FCRL1: variants seen among roughly 807,000 people sequenced by gnomAD.
FCRL1 encodes the protein Fc receptor-like protein 1.
FCRL1 carries 34 observed loss-of-function variants against 49.2 expected under a neutral mutation model. The ratio of observed to expected loss-of-function variants is 0.69; its 90% confidence interval spans 0.53 to 0.92. The LOEUF (loss-of-function observed/expected upper bound fraction) is 0.92. Ranked by LOEUF, FCRL1 falls within the 40% of genes least tolerant of loss-of-function variation. The pLI, the probability that FCRL1 is intolerant of heterozygous loss-of-function variation, is 0.00. For synonymous variants in FCRL1, 218 were observed against 201.6 expected, an observed-to-expected ratio of 1.08 and a Z score of -0.69; for missense variants, 524 against 524.1, an observed-to-expected ratio of 1.00 and a Z score of 0.00.
chr1:157,802,756 T>C, intron 3 of FCRL1, 92 bp from the exon 4 acceptor site: 1 of 1,335,168 alleles, frequency 7.5e-7, no homozygotes, highest in South Asian at 1.5e-5. Context: ...GCAAAGAGCA[T>C]GAGTGAAGTC....
At chr1:157,799,160 C>T (rs1652022215) in intron 7 of FCRL1, among the ~76,000 whole-genome samples, 1 of 152,104 alleles carries the variant, frequency 6.6e-6, no homozygotes, top group African/African-American at 2.4e-5. Context: ...ATCACCACGT[C>T]CAGCTAATTT....
intron 1 of FCRL1, among the ~76,000 whole-genome samples, chr1:157,808,636 G>A (rs1238694567): frequency 1.3e-5 from 2 of 152,186 alleles, no homozygotes. Context: ...GGTGTGATGG[G>A]GAGCTATGGA....
chr1:157,817,312 C>G (rs1655181751), intron 1 of FCRL1, among the ~76,000 whole-genome samples: 1 of 152,012 alleles, frequency 6.6e-6, no homozygotes, highest in South Asian at 2.1e-4. Flanking sequence ...CAGCATTGTA[C>G]AGGCACAAAA....
intron 2 of FCRL1, 135 bp from the exon 3 acceptor site, chr1:157,804,246 ACCCCC>A: frequency 1.3e-6 from 1 of 748,548 alleles, no homozygotes; most frequent in Non-Finnish European, 1.9e-6. Flanking sequence ...ACATGTCTCC[ACCCCC>A]CCCCCAGTGG....
At chr1:157,801,820 A>G in intron 5 of FCRL1, 95 bp downstream of exon 5, 2 of 1,443,492 alleles carry the variant, frequency 1.4e-6, no homozygotes, top group Non-Finnish European at 1.9e-6. Context: ...CACCATGGGT[A>G]GCAAACCCCC....
intron 1 of FCRL1, among the ~76,000 whole-genome samples, chr1:157,815,990 T>C (rs1296273601): frequency 2.6e-5 from 4 of 151,842 alleles, no homozygotes; most frequent in Admixed American, 6.6e-5. Flanking sequence ...GAACCTAGGA[T>C]CTGATGGCTT....
intron 1 of FCRL1, 84 bp from the exon 2 acceptor site, chr1:157,807,206 AC>A: frequency 7.0e-7 from 1 of 1,435,540 alleles, no homozygotes; most frequent in South Asian, 1.3e-5. Context: ...AGCTTCCCCA[AC>A]ACCACACCCT....
chr1:157,798,444 C>A (rs1476599676), intron 7 of FCRL1, among the ~76,000 whole-genome samples: 2 of 152,090 alleles, frequency 1.3e-5, no homozygotes, highest in Non-Finnish European at 2.9e-5. Context: ...AGAGCATGCA[C>A]CAGCGGGTAA....
chr1:157,809,033 C>A (rs1653906378), intron 1 of FCRL1, among the ~76,000 whole-genome samples: 1 of 152,010 alleles, frequency 6.6e-6, no homozygotes, highest in African/African-American at 2.4e-5. Context: ...GTTTAAGATG[C>A]CTGTTAAACA....
At chr1:157,809,403 C>A (rs529123028) in intron 1 of FCRL1, among the ~76,000 whole-genome samples, 3 of 152,030 alleles carry the variant, frequency 2.0e-5, no homozygotes, top group Non-Finnish European at 2.9e-5. Flanking sequence ...AAAAAAAAAC[C>A]CTGTTTGTAA....
At chr1:157,810,493 C>G (rs1188189962) in intron 1 of FCRL1, among the ~76,000 whole-genome samples, 2 of 151,844 alleles carry the variant, frequency 1.3e-5, no homozygotes, top group Non-Finnish European at 2.9e-5. Flanking sequence ...GATGGGGTTT[C>G]ACCATGTTGG....
intron 1 of FCRL1, among the ~76,000 whole-genome samples, chr1:157,817,648 A>G (rs555080521): frequency 6.6e-6 from 1 of 152,208 alleles, no homozygotes; most frequent in East Asian, 1.9e-4. Flanking sequence ...TCAAAAGCAA[A>G]AGCAATAAAA....
rs1651255673 is a variant in FCRL1 at position 157,794,879 on chromosome 1, G to A, written c.*1220C>T. On this transcript the variant is annotated 3_prime_UTR_variant, in exon 11 of 11. Transcript: ENST00000368176. ...TAGAGACTTTTAAAATAGTATAATA[G>A]ATCTATTTACAGATTTGAAAGTATT... 1 of 152,024 alleles carries A rather than the reference G, an allele frequency of 6.6e-6. No homozygotes were observed. Among genetic ancestry groups the A allele is most frequent in the Admixed American group, 6.5e-5 (1 of 15,268 alleles). 9.4% of individuals were successfully genotyped at this position (152,024 alleles called of 1,614,324 possible).
chr1:157,797,233 TG>T, intron 9 of FCRL1, 101 bp from the exon 10 acceptor site: 2 of 1,104,452 alleles, frequency 1.8e-6, no homozygotes, highest in East Asian at 4.7e-5. Context: ...CTATTTCCCA[TG>T]AATTGATTTC....
chr1:157,804,246 AC>A (rs58174605), intron 2 of FCRL1, 135 bp from the exon 3 acceptor site: 79,415 of 646,448 alleles, frequency 0.12, 2,188 homozygotes, highest in African/African-American at 0.3. Flanking sequence ...ACATGTCTCC[AC>A]CCCCCCCCCA....
intron 2 of FCRL1, among the ~76,000 whole-genome samples, chr1:157,804,523 G>T (rs1653086192): frequency 6.6e-6 from 1 of 152,126 alleles, no homozygotes; most frequent in African/African-American, 2.4e-5. Flanking sequence ...TCTAAGCTAT[G>T]TTCATTATCT....
At chr1:157,799,964 C>T (rs1038526336) in intron 7 of FCRL1, 94 bp downstream of exon 7, 33 of 1,154,808 alleles carry the variant, frequency 2.9e-5, no homozygotes, top group African/African-American at 2.8e-4. Context: ...ATAATAAAGC[C>T]GGAAAAAAAA....
At chr1:157,805,261 A>G (rs1653241276) in intron 2 of FCRL1, among the ~76,000 whole-genome samples, 1 of 152,092 alleles carries the variant, frequency 6.6e-6, no homozygotes, top group African/African-American at 2.4e-5. Context: ...CCTAATAGCT[A>G]TGGGCTGTGT....
At chr1:157,817,549 T>C (rs1557928648) in intron 1 of FCRL1, among the ~76,000 whole-genome samples, 1 of 152,100 alleles carries the variant, frequency 6.6e-6, no homozygotes, top group Non-Finnish European at 1.5e-5. Flanking sequence ...AAGACTTAAA[T>C]GTATGACCCT....
Sources: allele counts gnomAD v4.1 joint callset (sites outside exome capture counted in the v4.1 genomes callset), GRCh38; gene constraint gnomAD v4.1.1; transcripts MANE v1.5; gene names NCBI Gene and HGNC (gene_info 2026-07-23, HGNC 2026-07-21).